Variants in MGLL observed in about 807,000 individuals in gnomAD.
MGLL encodes monoglyceride lipase.
In MGLL, 7 loss-of-function variants were observed where a neutral mutation model predicts 29.1. The observed-to-expected ratio is 0.24, with a 90% CI of 0.14 to 0.45. The LOEUF (loss-of-function observed/expected upper bound fraction) is 0.45. Ranked by LOEUF, MGLL falls within the 20% of genes least tolerant of loss-of-function variation. MGLL has a pLI of 0.99. For synonymous variants in MGLL, 148 were observed against 168.3 expected, an observed-to-expected ratio of 0.88 and a Z score of 0.93; for missense variants, 356 against 413.6, an observed-to-expected ratio of 0.86 and a Z score of 1.21.
At chr3:127,802,507 C>T (rs1361931072) in intron 2 of MGLL, among the ~76,000 whole-genome samples, 1 of 152,154 alleles carries the variant, frequency 6.6e-6, no homozygotes, top group Non-Finnish European at 1.5e-5. Context: ...ATAATCACCC[C>T]CCTTGTACTA....
At chr3:127,816,379 C>T (rs148717826) in intron 2 of MGLL, among the ~76,000 whole-genome samples, 103 of 152,152 alleles carry the variant, frequency 6.8e-4, no homozygotes, top group African/African-American at 2.3e-3. Context: ...AACCTAAGGG[C>T]GGGGAAGGAA....
At chr3:127,722,695 C>T in intron 3 of MGLL, 129 bp from the exon 4 acceptor site, 1 of 1,277,264 alleles carries the variant, frequency 7.8e-7, no homozygotes, top group South Asian at 1.3e-5. Flanking sequence ...TTAACCCTTT[C>T]CAGCCACTCT....
At chr3:127,778,787 C>G (rs2077076869) in intron 3 of MGLL, among the ~76,000 whole-genome samples, 1 of 150,220 alleles carries the variant, frequency 6.7e-6, no homozygotes, top group African/African-American at 2.4e-5. Context: ...GGATCTTGCT[C>G]TTTCCTCTAG....
intron 3 of MGLL, among the ~76,000 whole-genome samples, chr3:127,771,885 C>A (rs1347088431): frequency 1.3e-5 from 2 of 152,092 alleles, no homozygotes; most frequent in Admixed American, 1.3e-4. Context: ...AGGTGGGGGA[C>A]CTGAGCCTAG....
chr3:127,740,878 C>T (rs1481356124), intron 3 of MGLL, among the ~76,000 whole-genome samples: 1 of 152,178 alleles, frequency 6.6e-6, no homozygotes, highest in African/African-American at 2.4e-5. Flanking sequence ...TTCTGTTCAG[C>T]CAGGCAGGGC....
chr3:127,694,695 C>T (rs2075322259), intron 7 of MGLL, among the ~76,000 whole-genome samples: 1 of 152,188 alleles, frequency 6.6e-6, no homozygotes, highest in African/African-American at 2.4e-5. Flanking sequence ...TGCTCAGTGC[C>T]CAGTTGCAGA....
chr3:127,697,551 T>C (rs916779964), intron 6 of MGLL, among the ~76,000 whole-genome samples: 1 of 152,196 alleles, frequency 6.6e-6, no homozygotes, highest in African/African-American at 2.4e-5. Flanking sequence ...AGAACCTTGA[T>C]GTTTCCTTCG....
At chr3:127,770,829 A>G (rs2076936133) in intron 3 of MGLL, among the ~76,000 whole-genome samples, 1 of 152,158 alleles carries the variant, frequency 6.6e-6, no homozygotes, top group South Asian at 2.1e-4. Context: ...CAGGGTCACA[A>G]GGGTGAGTGC....
At chr3:127,744,340 A>G (rs1207768177) in intron 3 of MGLL, among the ~76,000 whole-genome samples, 1 of 152,226 alleles carries the variant, frequency 6.6e-6, no homozygotes, top group Non-Finnish European at 1.5e-5. Context: ...TTCCTTTTGT[A>G]TCACGCTGCG....
At chr3:127,792,288 G>A (rs1002713622) in intron 2 of MGLL, among the ~76,000 whole-genome samples, 2 of 152,220 alleles carry the variant, frequency 1.3e-5, no homozygotes, top group African/African-American at 4.8e-5. Context: ...TAAGATCTGA[G>A]GGACAGGGGT....
At chr3:127,780,500 AAC>A (rs1401423832) in intron 3 of MGLL, among the ~76,000 whole-genome samples, 1 of 152,240 alleles carries the variant, frequency 6.6e-6, no homozygotes, top group East Asian at 1.9e-4. Context: ...TTATTTCTCA[AAC>A]AGTCTCACAA....
intron 2 of MGLL, among the ~76,000 whole-genome samples, chr3:127,786,158 C>T (rs1263337428): frequency 2.0e-5 from 3 of 152,196 alleles, no homozygotes; most frequent in African/African-American, 4.8e-5. Context: ...GGATGGTACC[C>T]AGCTGGGCAG....
intron 3 of MGLL, among the ~76,000 whole-genome samples, chr3:127,732,254 C>T (rs570197324): frequency 2.6e-4 from 40 of 152,334 alleles, no homozygotes; most frequent in African/African-American, 8.9e-4. Flanking sequence ...GAGTTCATAA[C>T]GTACAAAGCA....
chr3:127,735,000 C>T (rs1406527585), intron 3 of MGLL, among the ~76,000 whole-genome samples: 1 of 152,256 alleles, frequency 6.6e-6, no homozygotes, highest in South Asian at 2.1e-4. Context: ...ACTGTGGGGC[C>T]TCTAGCCTCA....
chr3:127,715,784 C>T (rs1200933140), intron 5 of MGLL: 2 of 456,766 alleles, frequency 4.4e-6, no homozygotes, highest in Non-Finnish European at 8.8e-6. Flanking sequence ...GACTGCTGCT[C>T]CTGCTCTCCC....
intron 1 of MGLL, 130 bp downstream of exon 1, chr3:127,822,179 A>G (rs2077873786): frequency 9.4e-7 from 1 of 1,065,128 alleles, no homozygotes; most frequent in Non-Finnish European, 1.4e-6. Flanking sequence ...CTATGGGTAC[A>G]AAGACCCAGC....
chr3:127,782,001 G>T, intron 2 of MGLL, 106 bp from the exon 3 acceptor site: 1 of 1,002,940 alleles, frequency 1.0e-6, no homozygotes, highest in Non-Finnish European at 1.5e-6. Context: ...CGGGCGGATT[G>T]CCTGAGCTCA....
intron 2 of MGLL, among the ~76,000 whole-genome samples, chr3:127,785,336 T>C (rs1161968989): frequency 6.6e-6 from 1 of 152,238 alleles, no homozygotes; most frequent in Non-Finnish European, 1.5e-5. Context: ...TCCCAAGCTA[T>C]GTGTGTCTGC....
At chr3:127,791,503 AC>A (rs1210442386) in intron 2 of MGLL, among the ~76,000 whole-genome samples, 1 of 152,054 alleles carries the variant, frequency 6.6e-6, no homozygotes, top group East Asian at 1.9e-4. Flanking sequence ...AGATCCCCCT[AC>A]CCCGACCCCT....
Sources: gnomAD v4.1 joint callset for allele counts (sites outside exome capture counted in the v4.1 genomes callset) on GRCh38, gnomAD v4.1.1 for gene constraint, MANE v1.5 for transcripts, NCBI Gene and HGNC (gene_info 2026-07-23, HGNC 2026-07-21) for gene names.